The following OTOGL variants were observed in gnomAD, a reference collection of about 807,000 sequenced individuals.
OTOGL encodes the protein otogelin-like protein.
OTOGL carries 285 observed loss-of-function variants against 318.5 expected under a neutral mutation model. The ratio of observed to expected loss-of-function variants is 0.89; its 90% CI spans 0.81 to 0.99. The LOEUF is 0.99. Ranked by LOEUF, OTOGL falls within the 50% of genes least tolerant of loss-of-function variation. The probability of loss-of-function intolerance (pLI) is 0.00; values close to 1 mark genes in which losing one functional copy is unlikely to be tolerated. For synonymous variants in OTOGL, 987 were observed against 936.5 expected, an observed-to-expected ratio of 1.05 and a Z score of -0.99; for missense variants, 2,899 against 2,845.6, an observed-to-expected ratio of 1.02 and a Z score of -0.43.
chr12:80,157,302 C>T (rs138215319), intron 1 of OTOGL, among the ~76,000 whole-genome samples: 1,547 of 152,058 alleles, frequency 0.01, 12 homozygotes, highest in Non-Finnish European at 0.017. Flanking sequence ...TTTTTTTCCC[C>T]ATAGAGTTTG....
intron 42 of OTOGL, among the ~76,000 whole-genome samples, chr12:80,337,642 T>C (rs994401694): frequency 2.6e-5 from 4 of 152,072 alleles, no homozygotes; most frequent in African/African-American, 9.6e-5. Context: ...ATGAACTCAG[T>C]GCTTCACTCA....
At position 80,240,523 on chromosome 12, in the gene OTOGL, C is replaced by T. The variant is rs146607902; in HGVS notation, c.1052+1084C>T. Reference sequence around the variant, plus strand: ...ACACGCATTTCAAATCTAATAACTACTGCAGTTTGACATAGTGATTAGTGT... The same window carrying T: ...ACACGCATTTCAAATCTAATAACTATTGCAGTTTGACATAGTGATTAGTGT... On this transcript the variant is annotated intron_variant, in intron 11 of 58. Coordinates refer to ENST00000547103, the MANE Select transcript of OTOGL (RefSeq NM_001378609.3). Among the ~76,000 whole-genome samples the T allele has an allele frequency of 3.0e-3, 458 of 152,166 alleles. 4 individuals are homozygous for T. The highest frequency in any genetic ancestry group is 0.01 in the African/African-American group (435 of 41,548).
rs1883057521 is a variant in OTOGL at position 80,267,298 on chromosome 12, A to G, written c.2436A>G (p.Gly812=). ...ATAGGGGCAGTGTTTATCAACCTGG[A>G]GAGCTCATCCCCACACCCTCGGGCT... The part of the protein sequence containing the change: ...CHYRGSVYQP[G]ELIPTPSGLC... The change falls in exon 22 of 59, where the codon GGA becomes GGG. Residue 812 remains glycine (G), a synonymous_variant. Transcript: ENST00000547103. 1 of 1,564,456 alleles carries G rather than the reference A, an allele frequency of 6.4e-7. No individual in the cohort carries two copies. Among genetic ancestry groups the G allele is most frequent in the Non-Finnish European group, 8.7e-7 (1 of 1,143,258 alleles).
At position 80,352,673 on chromosome 12, in the gene OTOGL, C is replaced by T. The variant is rs932756114; in HGVS notation, c.5407+237C>T. On this transcript the variant is annotated intron_variant, in intron 45 of 58. Transcript: ENST00000547103. Reference sequence around the variant, plus strand: ...TTCTCTTTTCCCTGAGAGGTAATCACTATTCAAGAGGGGCATTGCTGATTC... The same window carrying T: ...TTCTCTTTTCCCTGAGAGGTAATCATTATTCAAGAGGGGCATTGCTGATTC... Among the ~76,000 whole-genome samples, 5 of 152,166 alleles carry T rather than the reference C, an allele frequency of 3.3e-5. No individual in the cohort carries two copies. The East Asian group carries it at 7.7e-4, about 23-fold the overall frequency.
At chr12:80,264,856 A>C (rs766938137) in intron 19 of OTOGL, 145 bp from the exon 20 acceptor site, 39 of 859,986 alleles carry the variant, frequency 4.5e-5, no homozygotes, top group Middle Eastern at 5.6e-4. Context: ...TATAAAAAAA[A>C]CAAAAACTGT....
chr12:80,313,542 TGTGA>T lies in OTOGL; in HGVS notation c.3521_3524del (p.Glu1174ValfsTer6), dbSNP rs779988517. The stretch of plus-strand genomic sequence containing the variant: ...ATGTAACTGCAATCTTGGTGGCGAC[TGTGA>T]GTGTTTGTGCACTAGTATAGCTGCA... On this transcript the variant is annotated frameshift_variant, in exon 31 of 59. Coordinates refer to ENST00000547103, the MANE Select transcript of OTOGL (RefSeq NM_001378609.3). LOFTEE classifies it high-confidence loss of function. 1.7e-5 allele frequency: 28 copies of T among 1,612,348 alleles called. No homozygotes were observed. The highest frequency in any genetic ancestry group is 8.0e-5 in the African/African-American group (6 of 74,864).
Position 80,212,051 on chromosome 12 carries a change from G to A in OTOGL, c.168+54G>A, listed in dbSNP as rs146729189. 5.9e-4 allele frequency: 862 copies of A among 1,472,792 alleles called. 4 individuals are homozygous for A. In the African/African-American group the frequency reaches 0.011, roughly 19 times the overall value. The allele number at this position is 1,472,792 out of a possible 1,614,324, so 91.2% of individuals were successfully genotyped here. Reference sequence around the variant, plus strand: ...GCAGAGAAATAATCCATTCTGTTTTGGACTCTGCTGTCACTTCAACAATGA... The same window carrying A: ...GCAGAGAAATAATCCATTCTGTTTTAGACTCTGCTGTCACTTCAACAATGA... On this transcript the variant is annotated intron_variant, in intron 4 of 58. Transcript: ENST00000547103.
At chr12:80,241,078 T>C (rs1555282777) in intron 11 of OTOGL, among the ~76,000 whole-genome samples, 1 of 152,030 alleles carries the variant, frequency 6.6e-6, no homozygotes, top group Non-Finnish European at 1.5e-5. Context: ...ACCACTTAAA[T>C]GACGTCTTGA....
intron 11 of OTOGL, among the ~76,000 whole-genome samples, chr12:80,240,583 T>C (rs1330295079): frequency 6.6e-6 from 1 of 151,862 alleles, no homozygotes; most frequent in Non-Finnish European, 1.5e-5. Flanking sequence ...CAATGGAAAA[T>C]GAAAATATAA....
chr12:80,219,834 C>G lies in OTOGL; in HGVS notation c.256C>G (p.Leu86Val). The change falls in exon 6 of 59, where the codon CTT becomes GTT. Residue 86 changes from leucine to valine, a missense_variant. By Grantham distance (32) the Leu-to-Val change is conservative (BLOSUM62 1). This residue lies in a region of OTOGL where 2,607 missense variants were observed against 2,524.9 expected (regional missense o/e 1.03). Transcript: ENST00000547103. ...KIKGSCPYECLNGAFCSKTGT... is the reference protein window; with the variant it reads ...KIKGSCPYECVNGAFCSKTGT... ...CTCAGGTTCTTGTCCTTATGAATGCCTTAATGGAGCTTTCTGTTCTAAGAC... is the reference window on the plus strand; with the variant it reads ...CTCAGGTTCTTGTCCTTATGAATGCGTTAATGGAGCTTTCTGTTCTAAGAC... 6.3e-7 allele frequency: 1 copy of G among 1,587,948 alleles called. No homozygotes were observed. The highest frequency in any genetic ancestry group is 8.5e-7 in the Non-Finnish European group (1 of 1,171,970).
At chr12:80,152,759 G>A (rs1565880732) in intron 1 of OTOGL, among the ~76,000 whole-genome samples, 1 of 152,148 alleles carries the variant, frequency 6.6e-6, no homozygotes, top group Non-Finnish European at 1.5e-5. Context: ...CACAATCTCA[G>A]CTCACTGCAA....
chr12:80,261,655 C>G (rs1196220579), intron 18 of OTOGL, among the ~76,000 whole-genome samples: 2 of 152,014 alleles, frequency 1.3e-5, no homozygotes, highest in Non-Finnish European at 1.5e-5. Flanking sequence ...TGATACTTAG[C>G]AGCTTAGTGT....
chr12:80,321,337 C>T lies in OTOGL; in HGVS notation c.4081+637C>T, dbSNP rs77481193. 2.3e-3 allele frequency among the ~76,000 whole-genome samples: 357 copies of T among 152,240 alleles called. 2 individuals carry two copies. The highest frequency in any genetic ancestry group is 8.3e-3 in the African/African-American group (343 of 41,550). On this transcript the variant is annotated intron_variant, in intron 34 of 58. Transcript: ENST00000547103. ...TCTATCTTGAGTCTCCTCAAGAAAT[C>T]GTTTCATCCTTGTGAACCCTCCTAA... is the stretch of plus-strand genomic sequence containing the variant.
intron 20 of OTOGL, 59 bp from the exon 21 acceptor site, chr12:80,266,392 C>T (rs1882961844): frequency 1.3e-6 from 2 of 1,546,542 alleles, no homozygotes; most frequent in South Asian, 2.3e-5. Context: ...TCTAAGGAGG[C>T]ATAAAATGTT....
chr12:80,108,955 C>T (rs61953071), intron 1 of OTOGL, among the ~76,000 whole-genome samples: 75,449 of 132,726 alleles, frequency 0.57, 21,390 homozygotes, highest in African/African-American at 0.61. Context: ...TATATATATA[C>T]ACACACACAT....
intron 1 of OTOGL, among the ~76,000 whole-genome samples, chr12:80,117,718 T>C (rs1241783988): frequency 1.3e-5 from 2 of 152,232 alleles, no homozygotes; most frequent in African/African-American, 2.4e-5. Context: ...CAATTAAACC[T>C]GCCTTTTCTA....
chr12:80,249,519 T>G (rs576980836), intron 11 of OTOGL, among the ~76,000 whole-genome samples: 4 of 151,650 alleles, frequency 2.6e-5, no homozygotes, highest in Non-Finnish European at 5.9e-5. Flanking sequence ...GCAGTCTGCC[T>G]GTTCTCAGAT....
At chr12:80,159,249 G>A (rs1873334991) in intron 1 of OTOGL, among the ~76,000 whole-genome samples, 1 of 151,956 alleles carries the variant, frequency 6.6e-6, no homozygotes, top group African/African-American at 2.4e-5. Flanking sequence ...ATTTTGTTAA[G>A]GATTTTTACA....
intron 7 of OTOGL, among the ~76,000 whole-genome samples, chr12:80,225,403 G>A (rs999449211): frequency 6.6e-6 from 1 of 152,022 alleles, no homozygotes; most frequent in Non-Finnish European, 1.5e-5. Flanking sequence ...AGTAGATATT[G>A]TTTCTACTTG....
Sources: gnomAD v4.1 joint callset for allele counts (sites outside exome capture counted in the v4.1 genomes callset) on GRCh38, gnomAD v4.1.1 for gene constraint, gnomAD v4.1.1 regional missense constraint, MANE v1.5 for transcripts, NCBI Gene and HGNC (gene_info 2026-07-23, HGNC 2026-07-21) for gene names.